The following PDE11A variants were observed in gnomAD, a reference collection of about 807,000 sequenced individuals.
PDE11A encodes phosphodiesterase 11A.
A neutral mutation model predicts 100.5 loss-of-function variants in PDE11A; 100 were observed. The observed-to-expected ratio is 1.00, with a 90% CI of 0.85 to 1.18. The LOEUF is 1.18. Ranked by LOEUF, PDE11A falls within the 50% of genes most tolerant of loss-of-function variation. The probability of loss-of-function intolerance (pLI) is 0.00; values close to 1 mark genes in which losing one functional copy is unlikely to be tolerated. For missense variants in PDE11A, 1,141 were observed against 1,152.6 expected (o/e 0.99, Z 0.15); for synonymous variants, 381 against 420.8 (o/e 0.91, Z 1.16).
intron 10 of PDE11A, among the ~76,000 whole-genome samples, chr2:177,732,298 T>G (rs2081703412): frequency 6.6e-6 from 1 of 152,202 alleles, no homozygotes; most frequent in Non-Finnish European, 1.5e-5. Context: ...TGAGGGTTTG[T>G]AAATAGAGAA....
chr2:177,882,088 C>T (rs1331150766), intron 4 of PDE11A, among the ~76,000 whole-genome samples: 3 of 152,162 alleles, frequency 2.0e-5, no homozygotes, highest in Non-Finnish European at 4.4e-5. Context: ...GATATATCCC[C>T]AGTTGGCAGG....
chr2:177,742,667 C>T (rs1489447595), intron 10 of PDE11A, among the ~76,000 whole-genome samples: 1 of 152,166 alleles, frequency 6.6e-6, no homozygotes, highest in Non-Finnish European at 1.5e-5. Flanking sequence ...CATTTTTGTA[C>T]CAGCTAGAGA....
In PDE11A at chr2:177,906,165, TCACA is replaced by T. The variant is rs557104355; in HGVS notation, c.1072-982_1072-979del. 1.4e-3 allele frequency among the ~76,000 whole-genome samples: 196 copies of T among 144,756 alleles called. 3 individuals carry two copies. Among genetic ancestry groups the T allele is most frequent in the South Asian group, 9.8e-3 (44 of 4,494 alleles). 95.0% of individuals were successfully genotyped at this position (144,756 alleles called of 152,430 possible). On this transcript the variant is annotated intron_variant, in intron 2 of 19. Coordinates refer to ENST00000286063, the MANE Select transcript of PDE11A (RefSeq NM_016953.4). ...GACTCTATGTCTCTCTGTCTCTCTC[TCACA>T]CACACACACACGCACGCACGCACGC... is the stretch of plus-strand genomic sequence containing the variant.
chr2:177,920,617 A>G (rs562342383), intron 2 of PDE11A, among the ~76,000 whole-genome samples: 1 of 152,274 alleles, frequency 6.6e-6, no homozygotes, highest in African/African-American at 2.4e-5. Flanking sequence ...TTTGCAAAAT[A>G]TATAAAATGC....
At chr2:177,906,305 G>A (rs1216824604) in intron 2 of PDE11A, among the ~76,000 whole-genome samples, 1 of 152,134 alleles carries the variant, frequency 6.6e-6, no homozygotes, top group African/African-American at 2.4e-5. Context: ...GGTGAGGGAC[G>A]ACAGCAGCCT....
intron 2 of PDE11A, among the ~76,000 whole-genome samples, chr2:177,923,182 A>G (rs943636861): frequency 1.3e-5 from 2 of 151,566 alleles, no homozygotes; most frequent in Non-Finnish European, 2.9e-5. Context: ...ATTTTCATTT[A>G]ATTTTTTTAA....
chr2:177,831,944 G>A (rs1443419706), intron 6 of PDE11A, among the ~76,000 whole-genome samples: 1 of 152,172 alleles, frequency 6.6e-6, no homozygotes, highest in African/African-American at 2.4e-5. Context: ...GGATTGGTGG[G>A]TTGCATAGGC....
intron 2 of PDE11A, chr2:177,922,718 G>A (rs1574281534): frequency 1.0e-6 from 1 of 985,398 alleles, no homozygotes. Flanking sequence ...CTTTCTGGCT[G>A]TTCCATGGCT....
intron 2 of PDE11A, among the ~76,000 whole-genome samples, chr2:178,000,639 C>A (rs2086133115): frequency 6.6e-6 from 1 of 152,168 alleles, no homozygotes; most frequent in Admixed American, 6.5e-5. Flanking sequence ...ATTAAAGTAT[C>A]TACCTCATAG....
At chr2:177,824,062 C>A (rs141679916) in intron 6 of PDE11A, among the ~76,000 whole-genome samples, 182 of 152,186 alleles carry the variant, frequency 1.2e-3, no homozygotes, top group African/African-American at 4.0e-3. Context: ...TTTTGTTTAC[C>A]CATCACTTTT....
At chr2:178,057,659 C>T (rs2086914681) in intron 1 of PDE11A, among the ~76,000 whole-genome samples, 1 of 152,150 alleles carries the variant, frequency 6.6e-6, no homozygotes, top group African/African-American at 2.4e-5. Context: ...TCTCCTGCTC[C>T]ATCCTTCCAA....
intron 5 of PDE11A, among the ~76,000 whole-genome samples, 158 bp downstream of exon 5, chr2:177,875,701 A>T (rs1303682686): frequency 1.3e-5 from 2 of 152,088 alleles, no homozygotes; most frequent in African/African-American, 4.8e-5. Flanking sequence ...TATTTTTAAG[A>T]TATAGTTTTA....
intron 2 of PDE11A, among the ~76,000 whole-genome samples, chr2:177,956,157 T>G (rs1158374783): frequency 6.6e-6 from 1 of 151,896 alleles, no homozygotes; most frequent in South Asian, 2.1e-4. Flanking sequence ...CGCAACCTAC[T>G]CATCTGACAA....
chr2:177,740,649 C>T (rs2081858407), intron 10 of PDE11A, among the ~76,000 whole-genome samples: 2 of 152,206 alleles, frequency 1.3e-5, no homozygotes, highest in African/African-American at 4.8e-5. Context: ...AACCACTACC[C>T]TATATTGCCC....
In PDE11A at chr2:178,072,727, G is replaced by C; in HGVS notation, c.-290C>G. The C allele has an allele frequency of 7.3e-7, 1 of 1,361,854 alleles. No individual in the cohort carries two copies. The allele number at this position is 1,361,854 out of a possible 1,614,324, so 84.4% of individuals were successfully genotyped here. ...TCCTGTTCCGGAAACCCGAGCTATC[G>C]CTGCTCCTGTTCTGGCTGCCGCCGC... On this transcript the variant is annotated 5_prime_UTR_variant, in exon 1 of 20. Transcript: ENST00000286063.
intron 10 of PDE11A, among the ~76,000 whole-genome samples, chr2:177,756,009 T>C (rs1199017684): frequency 6.6e-6 from 1 of 152,230 alleles, no homozygotes; most frequent in Admixed American, 6.5e-5. Flanking sequence ...TACGCTCTCA[T>C]TTGTAACACT....
chr2:177,994,249 T>C (rs1248766089), intron 2 of PDE11A, among the ~76,000 whole-genome samples: 1 of 152,126 alleles, frequency 6.6e-6, no homozygotes, highest in Non-Finnish European at 1.5e-5. Context: ...TAAATTTTGA[T>C]GTTATCTTAA....
chr2:177,971,493 G>C (rs998832644), intron 2 of PDE11A, among the ~76,000 whole-genome samples: 2 of 152,158 alleles, frequency 1.3e-5, no homozygotes, highest in Admixed American at 1.3e-4. Flanking sequence ...TTTTCACAAA[G>C]TCATGGATGT....
At chr2:178,077,397 T>C (rs55967144), upstream of PDE11A, among the ~76,000 whole-genome samples, 2 of 151,442 alleles carry the variant, frequency 1.3e-5, no homozygotes, top group Admixed American at 1.3e-4. Context: ...GCACCTCAAA[T>C]TTCTCATCTC....
Sources: gnomAD v4.1 joint callset for allele counts (sites outside exome capture counted in the v4.1 genomes callset) on GRCh38, gnomAD v4.1.1 for gene constraint, MANE v1.5 for transcripts, NCBI Gene and HGNC (gene_info 2026-07-23, HGNC 2026-07-21) for gene names.